The following TRAPPC9 variants were observed in gnomAD, a reference collection of about 807,000 sequenced individuals.
TRAPPC9 encodes IKK2 binding protein.
In TRAPPC9, 83 loss-of-function variants were observed where a neutral mutation model predicts 124.0. The observed-to-expected ratio is 0.67, with a 90% CI of 0.56 to 0.80. The LOEUF is 0.80. TRAPPC9 is among the 30% of genes least tolerant of loss of function. The probability of loss-of-function intolerance (pLI) is 0.00; values close to 1 mark genes in which losing one functional copy is unlikely to be tolerated. For missense variants in TRAPPC9, 1,302 were observed against 1,508.3 expected (o/e 0.86, Z 2.27); for synonymous variants, 638 against 617.5 (o/e 1.03, Z -0.49).
At chr8:140,340,547 ATTCT>A (rs892644228) in intron 9 of TRAPPC9, among the ~76,000 whole-genome samples, 44 of 152,254 alleles carry the variant, frequency 2.9e-4, no homozygotes, top group Non-Finnish European at 1.5e-5. Flanking sequence ...CAGCTGACAC[ATTCT>A]TTCTGATAAA....
At chr8:140,116,168 C>T (rs974102932) in intron 17 of TRAPPC9, among the ~76,000 whole-genome samples, 8 of 151,824 alleles carry the variant, frequency 5.3e-5, no homozygotes, top group Non-Finnish European at 7.4e-5. Context: ...GTCTGATGGG[C>T]GAAGGGGGTA....
At chr8:139,949,844 TGTGA>T (rs1461665638) in intron 19 of TRAPPC9, among the ~76,000 whole-genome samples, 16 of 152,198 alleles carry the variant, frequency 1.1e-4, no homozygotes, top group Admixed American at 1.0e-3. Context: ...TGCACAACTC[TGTGA>T]GTATCCTCAA....
At chr8:140,446,902 T>C (rs937127519) in intron 2 of TRAPPC9, among the ~76,000 whole-genome samples, 1 of 152,054 alleles carries the variant, frequency 6.6e-6, no homozygotes, top group Admixed American at 6.6e-5. Flanking sequence ...AAATGGGAAA[T>C]GGCATGCTCC....
intron 4 of TRAPPC9, among the ~76,000 whole-genome samples, 159 bp from the exon 5 acceptor site, chr8:140,426,800 GT>G (rs1384017869): frequency 6.6e-6 from 1 of 152,158 alleles, no homozygotes; most frequent in East Asian, 1.9e-4. Context: ...TACAAGTTTG[GT>G]GCCTTTTTGC....
At chr8:139,837,102 A>G (rs572784730) in intron 21 of TRAPPC9, among the ~76,000 whole-genome samples, 1 of 152,310 alleles carries the variant, frequency 6.6e-6, no homozygotes, top group South Asian at 2.1e-4. Flanking sequence ...CAGGGAACAA[A>G]CCAGGAAGTG....
intron 17 of TRAPPC9, among the ~76,000 whole-genome samples, chr8:140,189,551 G>A (rs960122070): frequency 6.6e-6 from 1 of 152,176 alleles, no homozygotes; most frequent in African/African-American, 2.4e-5. Context: ...CGGCTCCTAA[G>A]GTCTGATTTC....
At chr8:140,015,123 G>A (rs183126983) in intron 18 of TRAPPC9, among the ~76,000 whole-genome samples, 56 of 152,274 alleles carry the variant, frequency 3.7e-4, no homozygotes, top group Middle Eastern at 3.4e-3. Flanking sequence ...ACATATATTT[G>A]GCTTCTATTT....
intron 17 of TRAPPC9, among the ~76,000 whole-genome samples, chr8:140,116,844 C>T (rs978933422): frequency 2.0e-5 from 3 of 147,310 alleles, no homozygotes; most frequent in Admixed American, 1.3e-4. Flanking sequence ...AGTGAGTAGG[C>T]GGAGTTCAGT....
intron 21 of TRAPPC9, among the ~76,000 whole-genome samples, chr8:139,738,151 A>T (rs1563774401): frequency 6.6e-6 from 1 of 152,144 alleles, no homozygotes; most frequent in East Asian, 1.9e-4. Context: ...TGGACCTCGA[A>T]TGCCCTATCC....
intron 17 of TRAPPC9, among the ~76,000 whole-genome samples, chr8:140,204,745 G>A (rs1400671647): frequency 6.6e-6 from 1 of 152,202 alleles, no homozygotes; most frequent in Non-Finnish European, 1.5e-5. Flanking sequence ...AGCAGATGCT[G>A]GCACCAGGCT....
At chr8:139,783,222 G>A (rs1051011036) in intron 21 of TRAPPC9, among the ~76,000 whole-genome samples, 5 of 151,736 alleles carry the variant, frequency 3.3e-5, no homozygotes, top group African/African-American at 1.2e-4. Context: ...AAAATCAATA[G>A]AAAAAAAATC....
At chr8:139,804,083 C>T (rs961848023) in intron 21 of TRAPPC9, among the ~76,000 whole-genome samples, 3 of 146,932 alleles carry the variant, frequency 2.0e-5, no homozygotes, top group African/African-American at 5.0e-5. Flanking sequence ...ACCACCACGA[C>T]GCACCACCAC....
intron 17 of TRAPPC9, among the ~76,000 whole-genome samples, chr8:140,025,000 A>G (rs115296743): frequency 0.01 from 1,529 of 152,278 alleles, 27 homozygotes; most frequent in African/African-American, 0.035. Flanking sequence ...GGGAGTACTC[A>G]TGTGCTCCTG....
At chr8:139,835,079 G>A (rs1021323915) in intron 21 of TRAPPC9, among the ~76,000 whole-genome samples, 3 of 152,228 alleles carry the variant, frequency 2.0e-5, no homozygotes, top group African/African-American at 7.2e-5. Context: ...CTCGTTGGCA[G>A]GTTTCTGTTG....
In TRAPPC9 at chr8:140,420,355, A is replaced by G. The variant is rs189879787; in HGVS notation, c.886+6260T>C. ...AATCCCAGCTGGATTCTTGGTAGAA[A>G]ATGACCATCTGATCCTAAAATTCAT... On this transcript the variant is annotated intron_variant, in intron 5 of 22. Coordinates refer to ENST00000438773, the MANE Select transcript of TRAPPC9 (RefSeq NM_001160372.4). Among the ~76,000 whole-genome samples the G allele has an allele frequency of 2.8e-4, 43 of 152,284 alleles. No individual in the cohort carries two copies. In the East Asian group the frequency reaches 5.2e-3, roughly 18 times the overall value.
At chr8:140,053,808 C>A (rs749005867) in intron 17 of TRAPPC9, among the ~76,000 whole-genome samples, 4 of 152,166 alleles carry the variant, frequency 2.6e-5, no homozygotes, top group African/African-American at 9.7e-5. Flanking sequence ...ATACAATGGC[C>A]TTCTTTGTCT....
chr8:140,002,167 C>G lies in TRAPPC9; in HGVS notation c.2700-13331G>C, dbSNP rs1264399046. 2.6e-5 allele frequency among the ~76,000 whole-genome samples: 4 copies of G among 151,816 alleles called. No individual in the cohort carries two copies. In the East Asian group the frequency reaches 7.8e-4, roughly 30 times the overall value. On this transcript the variant is annotated intron_variant, in intron 18 of 22. Transcript: ENST00000438773. ...AAATACCCTTCATACCAATAATACT[C>G]AACAAATTTTTTGATACCAAAAAAA...
At chr8:140,305,481 T>C (rs191215754) in intron 10 of TRAPPC9, among the ~76,000 whole-genome samples, 60 of 152,256 alleles carry the variant, frequency 3.9e-4, no homozygotes, top group Middle Eastern at 3.4e-3. Context: ...TTTGTATTTT[T>C]GGAAGAGATG....
chr8:139,806,336 G>A (rs1824056695), intron 21 of TRAPPC9: 1 of 152,410 alleles, frequency 6.6e-6, no homozygotes, highest in Admixed American at 6.5e-5. Context: ...GGTGGTATGT[G>A]GGTCCCGGCT....
Sources: gnomAD v4.1 joint callset for allele counts (sites outside exome capture counted in the v4.1 genomes callset) on GRCh38, gnomAD v4.1.1 for gene constraint, MANE v1.5 for transcripts, NCBI Gene and HGNC (gene_info 2026-07-23, HGNC 2026-07-21) for gene names.